PPP4R2: variants seen among roughly 807,000 people sequenced by gnomAD.
The protein encoded by PPP4R2 is serine/threonine-protein phosphatase 4 regulatory subunit 2.
Under a neutral mutation model 47.2 loss-of-function variants are expected in PPP4R2, and 13 were observed. The observed-to-expected ratio is 0.28, with a 90% CI of 0.18 to 0.44. The LOEUF is 0.44. Ranked by LOEUF, PPP4R2 falls within the 20% of genes least tolerant of loss-of-function variation. The pLI is 1.00. For missense variants in PPP4R2, 421 were observed against 491.2 expected (o/e 0.86, Z 1.35); for synonymous variants, 151 against 163.3 (o/e 0.92, Z 0.57).
At chr3:73,062,057 CAG>C (rs747512517) in intron 5 of PPP4R2, 3 of 1,474,778 alleles carry the variant, frequency 2.0e-6, no homozygotes, top group Non-Finnish European at 2.7e-6. Flanking sequence ...TAAAGAAGTG[CAG>C]AGTCAAGTCA....
intron 2 of PPP4R2, among the ~76,000 whole-genome samples, chr3:73,005,710 C>T (rs1366037975): frequency 2.0e-5 from 3 of 151,460 alleles, no homozygotes; most frequent in East Asian, 1.9e-4. Flanking sequence ...TTGCTGGGTG[C>T]GGTGCATGCT....
At position 73,064,866 on chromosome 3, in the gene PPP4R2, C is replaced by T. The variant is rs1228399540; in HGVS notation, c.653C>T (p.Ser218Phe). 1 of 1,605,220 alleles carries T rather than the reference C, an allele frequency of 6.2e-7. No homozygotes were observed. Among genetic ancestry groups the T allele is most frequent in the Non-Finnish European group, 8.5e-7 (1 of 1,177,018 alleles). ...EEKNHSDSST[S>F]ESEVSSVSPL... ...AACATTTACAGTGACTCTTCGACCT[C>T]TGAATCAGAAGTTTCCTCAGTGAGC... is the stretch of plus-strand genomic sequence containing the variant. The change falls in exon 8 of 9, where the codon TCT becomes TTT. Residue 218 changes from serine (S) to phenylalanine (F), a missense_variant. Ser to Phe is a radical substitution (Grantham distance 155). Around this residue, in one of 2 missense-constraint regions of PPP4R2, gnomAD observed 317 missense variants for 287.5 expected, o/e 1.10. Coordinates refer to ENST00000356692, the MANE Select transcript of PPP4R2 (RefSeq NM_174907.4).
At chr3:73,029,650 G>T (rs541833926) in intron 2 of PPP4R2, among the ~76,000 whole-genome samples, 22 of 152,202 alleles carry the variant, frequency 1.4e-4, no homozygotes, top group Non-Finnish European at 2.5e-4. Context: ...TTGGCCAAAT[G>T]GTTGGGTGGA....
intron 2 of PPP4R2, among the ~76,000 whole-genome samples, chr3:73,046,609 C>T (rs545796084): frequency 6.6e-6 from 1 of 152,152 alleles, no homozygotes; most frequent in Admixed American, 6.5e-5. Flanking sequence ...TGTGCAAGTA[C>T]TGGTTGGATA....
At chr3:73,050,978 G>A (rs531484085) in intron 3 of PPP4R2, among the ~76,000 whole-genome samples, 2 of 152,028 alleles carry the variant, frequency 1.3e-5, no homozygotes, top group African/African-American at 2.4e-5. Flanking sequence ...GCAATGGAAC[G>A]ATCTCGGCTC....
chr3:73,050,154 G>A (rs1413799031), intron 3 of PPP4R2, among the ~76,000 whole-genome samples: 3 of 151,902 alleles, frequency 2.0e-5, no homozygotes, highest in Non-Finnish European at 4.4e-5. Flanking sequence ...TAGTAGAGAC[G>A]GGGTTTTACC....
intron 2 of PPP4R2, among the ~76,000 whole-genome samples, chr3:73,021,115 T>C (rs1484317563): frequency 2.0e-5 from 3 of 152,166 alleles, no homozygotes; most frequent in African/African-American, 7.2e-5. Flanking sequence ...AGATATGTTT[T>C]TGAAAATTAT....
At chr3:73,054,090 G>T (rs1371233935) in intron 3 of PPP4R2, among the ~76,000 whole-genome samples, 1 of 152,054 alleles carries the variant, frequency 6.6e-6, no homozygotes, top group Non-Finnish European at 1.5e-5. Context: ...GCTAATTTTT[G>T]TATTTTTAGT....
intron 2 of PPP4R2, among the ~76,000 whole-genome samples, chr3:73,004,923 TTGTGTGTTTTGAGTCGGAGTCGTG>T (rs1173022789): frequency 5.1e-4 from 72 of 140,058 alleles, no homozygotes; most frequent in African/African-American, 1.8e-3. Flanking sequence ...GTGTGTGTGT[TTGTGTGTTTTGAGTCGGAGTCGTG>T]TGTGTGTGTG....
chr3:73,005,244 A>T (rs1701582789), intron 2 of PPP4R2, among the ~76,000 whole-genome samples: 1 of 151,940 alleles, frequency 6.6e-6, no homozygotes, highest in Non-Finnish European at 1.5e-5. Flanking sequence ...CCCGGCCAAA[A>T]TACAGTGGTT....
intron 5 of PPP4R2, 108 bp from the exon 6 acceptor site, chr3:73,063,565 A>G: frequency 3.1e-6 from 2 of 644,070 alleles, no homozygotes; most frequent in South Asian, 3.7e-5. Flanking sequence ...TGGAGGTTGC[A>G]GTGAGCTGAG....
At chr3:73,015,097 A>G (rs1701796580) in intron 2 of PPP4R2, 1 of 447,450 alleles carries the variant, frequency 2.2e-6, no homozygotes, top group African/African-American at 2.0e-5. Flanking sequence ...ATAAATACTG[A>G]GAGCACTCTG....
chr3:73,029,960 A>T (rs1314795239), intron 2 of PPP4R2, among the ~76,000 whole-genome samples: 2 of 152,208 alleles, frequency 1.3e-5, no homozygotes, highest in Non-Finnish European at 1.5e-5. Context: ...ATAAATGCAG[A>T]TTAGGTTTAG....
intron 2 of PPP4R2, among the ~76,000 whole-genome samples, chr3:73,022,421 A>G (rs1191107017): frequency 6.6e-6 from 1 of 152,204 alleles, no homozygotes; most frequent in Non-Finnish European, 1.5e-5. Context: ...ATGCATTGAA[A>G]AGTTTTAGTT....
intron 8 of PPP4R2, 101 bp downstream of exon 8, chr3:73,065,242 A>G: frequency 7.5e-7 from 1 of 1,341,964 alleles, no homozygotes. Flanking sequence ...AACTCCTTAT[A>G]ATGCTGATGT....
chr3:73,062,351 A>T, intron 5 of PPP4R2: 1 of 1,607,206 alleles, frequency 6.2e-7, no homozygotes, highest in Non-Finnish European at 8.5e-7. Flanking sequence ...CACTGGATGC[A>T]TTGGAACCCC....
At position 73,067,559 on chromosome 3, in the gene PPP4R2, T is replaced by A. The variant is rs966529068; in HGVS notation, c.*1837T>A. The A allele has an allele frequency of 2.0e-5, 3 of 152,180 alleles. No homozygotes were observed. Among genetic ancestry groups the A allele is most frequent in the East Asian group, 3.8e-4 (2 of 5,204 alleles). The allele number at this position is 152,180 out of a possible 1,614,324, so 9.4% of individuals were successfully genotyped here. On this transcript the variant is annotated 3_prime_UTR_variant, in exon 9 of 9. Transcript: ENST00000356692. Reference sequence around the variant, plus strand: ...AGAAAAATTAACCATTGTAAATTTTTAAAAAATTTTTCAAAAATGTTAAAA... The same window carrying A: ...AGAAAAATTAACCATTGTAAATTTTAAAAAAATTTTTCAAAAATGTTAAAA...
chr3:73,056,085 G>A (rs1242311363), intron 3 of PPP4R2, among the ~76,000 whole-genome samples: 1 of 152,162 alleles, frequency 6.6e-6, no homozygotes, highest in African/African-American at 2.4e-5. Flanking sequence ...ATTTTCAGAA[G>A]TTAGAATAAA....
chr3:73,005,825 T>A (rs78535701), intron 2 of PPP4R2, among the ~76,000 whole-genome samples: 939 of 44,542 alleles, frequency 0.021, 9 homozygotes, highest in African/African-American at 0.081. Context: ...AGAGTGAAAC[T>A]CTGTCTGCAA....
Sources: allele counts gnomAD v4.1 joint callset (sites outside exome capture counted in the v4.1 genomes callset), GRCh38; gene constraint gnomAD v4.1.1; regional missense constraint gnomAD v4.1.1; transcripts MANE v1.5; gene names NCBI Gene and HGNC (gene_info 2026-07-23, HGNC 2026-07-21).